PBLD: variants seen among roughly 807,000 people sequenced by gnomAD.
PBLD encodes the protein phenazine biosynthesis like protein domain containing.
A neutral mutation model predicts 31.3 loss-of-function variants in PBLD; 26 were observed. That is an observed-to-expected ratio of 0.83 (90% confidence interval 0.61 to 1.15). The LOEUF (loss-of-function observed/expected upper bound fraction) is 1.15, where lower values mean the gene tolerates loss of function less well. Ranked by LOEUF, PBLD falls within the 50% of genes most tolerant of loss-of-function variation. The pLI is 0.00. For missense variants in PBLD, 307 were observed against 351.7 expected (o/e 0.87, Z 1.02); for synonymous variants, 114 against 129.0 (o/e 0.88, Z 0.79).
chr10:68,326,074 G>T, intron 1 of PBLD, among the ~76,000 whole-genome samples: 1 of 151,894 alleles, frequency 6.6e-6, no homozygotes, highest in Admixed American at 6.6e-5. Flanking sequence ...GTTTTGTTTT[G>T]TTTTTGTTTT....
chr10:68,319,035 A>AAGAAAGAAAGAAAGAGAG (rs2044778857), intron 1 of PBLD, among the ~76,000 whole-genome samples: 1 of 121,452 alleles, frequency 8.2e-6, no homozygotes, highest in African/African-American at 3.5e-5. Context: ...GAGAGAAGGA[A>AAGAAAGAAAGAAAGAGAG]AGAAAGAAAG....
At chr10:68,319,114 A>AAGAAAGAAAGAAAGAAAGAG (rs59508780) in intron 1 of PBLD, among the ~76,000 whole-genome samples, 6 of 126,108 alleles carry the variant, frequency 4.8e-5, no homozygotes, top group Admixed American at 1.6e-4. Context: ...AAAGAAAGGA[A>AAGAAAGAAAGAAAGAAAGAG]AAAGAAAGAA....
intron 1 of PBLD, 115 bp from the exon 2 acceptor site, chr10:68,307,018 T>C: frequency 1.9e-6 from 1 of 522,662 alleles, no homozygotes; most frequent in Non-Finnish European, 3.4e-6. Flanking sequence ...TAAAGATATA[T>C]AATCCCCTAA....
chr10:68,327,419 C>T (rs1169585325), intron 1 of PBLD, among the ~76,000 whole-genome samples: 2 of 151,674 alleles, frequency 1.3e-5, no homozygotes, highest in Admixed American at 1.3e-4. Flanking sequence ...GTGGCTCACG[C>T]CTGTAATCCC....
chr10:68,290,102 A>C (rs2044339661), intron 6 of PBLD, among the ~76,000 whole-genome samples: 1 of 152,144 alleles, frequency 6.6e-6, no homozygotes, highest in South Asian at 2.1e-4. Flanking sequence ...ATGAGGAGAC[A>C]ACCCCTTCCC....
At chr10:68,329,378 T>C (rs970776094) in intron 1 of PBLD, among the ~76,000 whole-genome samples, 2 of 152,202 alleles carry the variant, frequency 1.3e-5, no homozygotes, top group African/African-American at 2.4e-5. Context: ...GATTTTAAGA[T>C]TGTGGCCCAT....
At chr10:68,300,226 G>GAGAGAA (rs1357985553) in intron 2 of PBLD, among the ~76,000 whole-genome samples, 7 of 152,112 alleles carry the variant, frequency 4.6e-5, no homozygotes, top group Non-Finnish European at 8.8e-5. Context: ...CAGAAAGAGA[G>GAGAGAA]AGAGAAAGAG....
Position 68,306,899 on chromosome 10 carries a change from G to T in PBLD, c.-55C>A. Reference sequence around the variant, plus strand: ...CAAAATTGCTGGTAGCCTGCTTTACGTCTTCTTCTTGGAAAAGGAAATCAA... The same window carrying T: ...CAAAATTGCTGGTAGCCTGCTTTACTTCTTCTTCTTGGAAAAGGAAATCAA... On this transcript the variant is annotated 5_prime_UTR_variant, in exon 2 of 10. Coordinates refer to ENST00000358769, the MANE Select transcript of PBLD (RefSeq NM_022129.4). The T allele has an allele frequency of 2.2e-6, 3 of 1,373,700 alleles. No homozygotes were observed. Among genetic ancestry groups the T allele is most frequent in the Non-Finnish European group, 3.1e-6 (3 of 972,812 alleles). The allele number at this position is 1,373,700 out of a possible 1,614,324, so 85.1% of individuals were successfully genotyped here.
At chr10:68,295,021 C>T (rs1443667863) in intron 4 of PBLD, among the ~76,000 whole-genome samples, 1 of 152,196 alleles carries the variant, frequency 6.6e-6, no homozygotes, top group Non-Finnish European at 1.5e-5. Flanking sequence ...CTGCTTCCAT[C>T]TCCTGTTTTA....
intron 1 of PBLD, among the ~76,000 whole-genome samples, chr10:68,329,615 T>A (rs1320984066): frequency 2.6e-5 from 4 of 151,574 alleles, no homozygotes; most frequent in African/African-American, 2.4e-5. Context: ...ATTTTTTTTT[T>A]AAAAGGAGGG....
chr10:68,326,343 C>A (rs2044920143), intron 1 of PBLD, among the ~76,000 whole-genome samples: 1 of 152,110 alleles, frequency 6.6e-6, no homozygotes, highest in Admixed American at 6.6e-5. Flanking sequence ...CCAAGCTGTA[C>A]TTGTATTTTT....
chr10:68,303,908 C>A (rs1233505341), intron 2 of PBLD, among the ~76,000 whole-genome samples: 4 of 152,104 alleles, frequency 2.6e-5, no homozygotes, highest in Non-Finnish European at 5.9e-5. Flanking sequence ...TTCTCTGAGG[C>A]CTGGTACCTT....
Position 68,284,146 on chromosome 10 carries a change from T to C in PBLD, c.*31A>G. The C allele has an allele frequency of 1.3e-6, 2 of 1,565,210 alleles. No individual in the cohort carries two copies. Among genetic ancestry groups the C allele is most frequent in the Non-Finnish European group, 1.8e-6 (2 of 1,138,912 alleles). ...TTTTAAGCAGAAAATACTTGGTGGT[T>C]AGAGACAGCAGCGTCACAGCATAAC... On this transcript the variant is annotated 3_prime_UTR_variant, in exon 10 of 10. Transcript: ENST00000358769.
chr10:68,288,717 A>G, intron 7 of PBLD, 56 bp from the exon 8 acceptor site: 1 of 1,565,748 alleles, frequency 6.4e-7, no homozygotes, highest in Non-Finnish European at 8.7e-7. Flanking sequence ...CACTCACCAC[A>G]CAGACTCTGT....
intron 2 of PBLD, among the ~76,000 whole-genome samples, chr10:68,297,768 A>G (rs898640948): frequency 2.0e-5 from 3 of 152,188 alleles, no homozygotes; most frequent in Admixed American, 2.0e-4. Flanking sequence ...AGATCATATA[A>G]TATCCTAAGA....
At chr10:68,315,267 A>G (rs1426857626) in intron 1 of PBLD, among the ~76,000 whole-genome samples, 1 of 152,114 alleles carries the variant, frequency 6.6e-6, no homozygotes, top group African/African-American at 2.4e-5. Flanking sequence ...TAGCAAGGGA[A>G]TGAGATGTCC....
intron 1 of PBLD, chr10:68,331,054 T>C (rs562304948): frequency 6.6e-6 from 1 of 152,338 alleles, no homozygotes; most frequent in East Asian, 1.9e-4. Context: ...TTGTATTTTT[T>C]GTAGAGACAG....
chr10:68,301,845 T>C (rs2044510089), intron 2 of PBLD, among the ~76,000 whole-genome samples: 1 of 152,210 alleles, frequency 6.6e-6, no homozygotes. Context: ...CTCTCTACCT[T>C]GGTATACTGC....
Position 68,306,803 on chromosome 10 carries a change from TCTTG to T in PBLD, c.38_41del (p.Ala13GlufsTer13), listed in dbSNP as rs368645405. The T allele has an allele frequency of 4.3e-4, 691 of 1,612,486 alleles. 4 individuals are homozygous for T. In the African/African-American group the frequency reaches 8.7e-3, roughly 20 times the overall value. On this transcript the variant is annotated frameshift_variant, in exon 2 of 10. Coordinates refer to ENST00000358769, the MANE Select transcript of PBLD (RefSeq NM_022129.4). LOFTEE classifies it high-confidence loss of function. ...CAGCAGCAGGATTCCCACGAAATGC[TCTTG>T]CTGTGAATGCATCTGCTATGAAAAT... is the stretch of plus-strand genomic sequence containing the variant.
Sources: allele counts gnomAD v4.1 joint callset (sites outside exome capture counted in the v4.1 genomes callset), GRCh38; gene constraint gnomAD v4.1.1; transcripts MANE v1.5; gene names NCBI Gene and HGNC (gene_info 2026-07-23, HGNC 2026-07-21).